MGA: variants seen among roughly 807,000 people sequenced by gnomAD.
MGA encodes the protein MAX dimerization protein MGA, also known as MAX gene-associated protein.
A neutral mutation model predicts 261.1 loss-of-function variants in MGA; 40 were observed. The ratio of observed to expected loss-of-function variants is 0.15; its 90% CI spans 0.12 to 0.20. The LOEUF is 0.20. MGA is among the 10% of genes least tolerant of loss of function. The pLI is 1.00. For missense variants in MGA, 3,397 were observed against 3,630.5 expected (o/e 0.94, Z 1.65); for synonymous variants, 1,302 against 1,290.6 (o/e 1.01, Z -0.19).
In MGA at chr15:41,750,485, G is replaced by A; in HGVS notation, c.6878G>A (p.Ser2293Asn). 1.2e-6 allele frequency: 2 copies of A among 1,613,984 alleles called. No homozygotes were observed. The highest frequency in any genetic ancestry group is 1.1e-5 in the South Asian group (1 of 91,082). The change falls in exon 17 of 24, where the codon AGT becomes AAT. Residue 2293 changes from serine (S) to asparagine (N), a missense_variant. Transcript: ENST00000219905. ...CAAGAGAAGAAGGGTGGGAGAAGCA[G>A]TGCTGACTTCACTGTTTTGGATTTG...
At chr15:41,661,626 C>CCCAT (rs2057407435) in intron 1 of MGA, among the ~76,000 whole-genome samples, 10 of 152,156 alleles carry the variant, frequency 6.6e-5, no homozygotes, top group Admixed American at 6.5e-4. Flanking sequence ...TCCCAAGGTT[C>CCCAT]GCCTCGCCGG....
intron 13 of MGA, among the ~76,000 whole-genome samples, chr15:41,737,309 T>TG (rs1567055627): frequency 6.8e-6 from 1 of 146,320 alleles, no homozygotes; most frequent in African/African-American, 2.7e-5. Context: ...TTTGTGTGTG[T>TG]TTTTTTTTGT....
upstream of MGA, among the ~76,000 whole-genome samples, chr15:41,658,042 AGT>A (rs2057243402): frequency 6.6e-6 from 1 of 152,228 alleles, no homozygotes; most frequent in Admixed American, 6.5e-5. Context: ...GAATAGGAAA[AGT>A]GTGCATGTAA....
At chr15:41,736,136 AAAT>A (rs1294520929) in intron 12 of MGA, 42 bp from the exon 13 acceptor site, 1 of 1,410,586 alleles carries the variant, frequency 7.1e-7, no homozygotes, top group African/African-American at 1.5e-5. Flanking sequence ...TGTGATGCAG[AAAT>A]AATCTTTCAA....
At chr15:41,638,111 C>T (rs1183489018) in intron 1 of MGA, among the ~76,000 whole-genome samples, 4 of 116,168 alleles carry the variant, frequency 3.4e-5, no homozygotes, top group Non-Finnish European at 5.1e-5. Flanking sequence ...GGTGAGATCT[C>T]GGCTCATTGC....
chr15:41,697,510 G>A (rs2059605191), intron 3 of MGA, among the ~76,000 whole-genome samples: 3 of 149,168 alleles, frequency 2.0e-5, no homozygotes, highest in African/African-American at 7.4e-5. Flanking sequence ...TCCGTCTCCC[G>A]AGTTCAAGCC....
rs184565732 is a variant in MGA, at chr15:41,626,971, C to T, written c.-68+5673C>T. On this transcript the variant is annotated intron_variant, in intron 1 of 8. Transcript: ENST00000566718. Reference sequence around the variant, plus strand: ...CCTCTGCCTCCTGGGTTCAAGTGATCCTCCCACTTCAGCCTCCTGAGTAGC... The same window carrying T: ...CCTCTGCCTCCTGGGTTCAAGTGATTCTCCCACTTCAGCCTCCTGAGTAGC... Among the ~76,000 whole-genome samples, 1,111 of 152,086 alleles carry T rather than the reference C, an allele frequency of 7.3e-3. 9 individuals are homozygous for T. The highest frequency in any genetic ancestry group is 0.011 in the Non-Finnish European group (762 of 67,968).
chr15:41,707,836 C>T lies in MGA; in HGVS notation c.2297C>T (p.Thr766Ile). The T allele has an allele frequency of 6.2e-7, 1 of 1,613,782 alleles. No homozygotes were observed. The highest frequency in any genetic ancestry group is 8.5e-7 in the Non-Finnish European group (1 of 1,179,814). Residue 766 changes from threonine (T) to isoleucine (I), a missense_variant, in exon 6 of 24, where the codon ACA becomes ATA. By Grantham distance (89) the Thr-to-Ile change is moderately conservative. Transcript: ENST00000219905. The stretch of plus-strand genomic sequence containing the variant: ...ACTAGCTTTCCTTTTTGGAACCTTA[C>T]AGGAACCAACCCTGCCTCTCCTGGT...
intron 1 of MGA, among the ~76,000 whole-genome samples, chr15:41,653,065 CCT>C (rs1326441240): frequency 6.6e-6 from 1 of 152,066 alleles, no homozygotes; most frequent in Non-Finnish European, 1.5e-5. Context: ...ACAGCTTTTA[CCT>C]CTTTTTAAAA....
chr15:41,762,461 G>GTTTTTTTTTTTTTTT lies in MGA; in HGVS notation c.7744+115_7744+129dup, dbSNP rs34069193. On this transcript the variant is annotated intron_variant, in intron 22 of 23. Coordinates refer to ENST00000219905, the MANE Select transcript of MGA (RefSeq NM_001164273.2). ...TTGTCCACATTTTTAGTTTTGTGTGGTTTTTTTTTTTTTTTTTTTTTTTTT... is the reference window on the plus strand; with the variant it reads ...TTGTCCACATTTTTAGTTTTGTGTGGTTTTTTTTTTTTTTTTTTTTTTTTTTTTTTTTTTTTTTTT... 3.0e-4 allele frequency: 41 copies of GTTTTTTTTTTTTTTT among 138,442 alleles called. 6 individuals are homozygous for GTTTTTTTTTTTTTTT. Among genetic ancestry groups the GTTTTTTTTTTTTTTT allele is most frequent in the East Asian group, 1.1e-3 (3 of 2,746 alleles). The allele number at this position is 138,442 out of a possible 1,614,324, so 8.6% of individuals were successfully genotyped here.
intron 5 of MGA, among the ~76,000 whole-genome samples, chr15:41,703,380 A>T (rs1044907253): frequency 1.2e-4 from 6 of 49,636 alleles, no homozygotes; most frequent in African/African-American, 3.3e-4. Context: ...CCCCCCCCCC[A>T]CTCCCCACCC....
intron 2 of MGA, among the ~76,000 whole-genome samples, chr15:41,695,567 A>G (rs2059514495): frequency 6.6e-6 from 1 of 152,158 alleles, no homozygotes; most frequent in African/African-American, 2.4e-5. Context: ...GGAGGGGGAA[A>G]CTAGATGTTT....
intron 13 of MGA, among the ~76,000 whole-genome samples, chr15:41,737,491 A>G (rs934938930): frequency 9.2e-5 from 14 of 152,122 alleles, no homozygotes; most frequent in African/African-American, 3.4e-4. Context: ...TTTAAATACA[A>G]GAGTAAAAAT....
rs1211685616 is a variant in MGA, at chr15:41,767,138, C to T, written c.9056C>T (p.Ala3019Val). 6.2e-7 allele frequency: 1 copy of T among 1,613,944 alleles called. No individual in the cohort carries two copies. Among genetic ancestry groups the T allele is most frequent in the South Asian group, 1.1e-5 (1 of 91,082 alleles). The change falls in exon 24 of 24, where the codon GCC becomes GTC. Residue 3019 changes from alanine (A) to valine (V), a missense_variant. By Grantham distance (64) the Ala-to-Val change is moderately conservative. Around this residue, in one of 9 missense-constraint regions of MGA, gnomAD observed 647 missense variants for 642.4 expected, o/e 1.01. Transcript: ENST00000219905. ...ATGCCTTGTTTGGCACCTATAGCTG[C>T]CAAAGTTGGGTCAGTTGGACACAAA...
intron 17 of MGA, among the ~76,000 whole-genome samples, chr15:41,752,941 T>G (rs1269588477): frequency 6.6e-6 from 1 of 152,242 alleles, no homozygotes. Flanking sequence ...TACTGACTTT[T>G]TTTTTAAAGG....
rs1040889576 is a variant in MGA at position 41,635,406 on chromosome 15, A to AAC, written c.-68+14122_-68+14123dup. Reference sequence around the variant, plus strand: ...AGACACTAGACAAACACCAAACACAAACACACACACACACAAAATAAGGCT... The same window carrying AAC: ...AGACACTAGACAAACACCAAACACAAACACACACACACACACAAAATAAGGCT... On this transcript the variant is annotated intron_variant, in intron 1 of 8. Coordinates refer to the MGA transcript ENST00000566718. Among the ~76,000 whole-genome samples the AAC allele has an allele frequency of 3.3e-3, 261 of 79,556 alleles. 1 individual carries two copies. The highest frequency in any genetic ancestry group is 7.2e-3 in the African/African-American group (238 of 33,138). 52.2% of individuals were successfully genotyped at this position (79,556 alleles called of 152,430 possible).
At position 41,762,461 on chromosome 15, in the gene MGA, GTTTTTTTTTT is replaced by G. The variant is rs34069193; in HGVS notation, c.7744+120_7744+129del. 6.4e-3 allele frequency: 884 copies of G among 138,428 alleles called. 4 individuals carry two copies. The highest frequency in any genetic ancestry group is 0.031 in the African/African-American group (486 of 15,446). The allele number at this position is 138,428 out of a possible 1,614,324, so 8.6% of individuals were successfully genotyped here. ...TTGTCCACATTTTTAGTTTTGTGTGGTTTTTTTTTTTTTTTTTTTTTTTTTTTTTTGGAGA... is the reference window on the plus strand; with the variant it reads ...TTGTCCACATTTTTAGTTTTGTGTGGTTTTTTTTTTTTTTTTTTTTGGAGA... On this transcript the variant is annotated intron_variant, in intron 22 of 23. Coordinates refer to ENST00000219905, the MANE Select transcript of MGA (RefSeq NM_001164273.2).
chr15:41,678,671 G>A (rs559772462), intron 2 of MGA, among the ~76,000 whole-genome samples: 38 of 151,692 alleles, frequency 2.5e-4, no homozygotes, highest in African/African-American at 8.9e-4. Context: ...GGAGGCTGAG[G>A]CAGGAGAATC....
chr15:41,669,678 G>A lies in MGA; in HGVS notation c.784G>A (p.Gly262Arg), dbSNP rs1407731790. ...ATTTGCCAAAGGCTTTCGGGATGATGGGCTGAATAATAAGCCCCAGAGAGA... is the reference window on the plus strand; with the variant it reads ...ATTTGCCAAAGGCTTTCGGGATGATAGGCTGAATAATAAGCCCCAGAGAGA... The change falls in exon 2 of 24, where the codon GGG becomes AGG. Residue 262 changes from glycine (G) to arginine (R), a missense_variant. Gly to Arg is a moderately radical substitution (Grantham distance 125, BLOSUM62 -2). Around this residue, in one of 9 missense-constraint regions of MGA, gnomAD observed 563 missense variants for 563.6 expected, o/e 1.00. Coordinates refer to ENST00000219905, the MANE Select transcript of MGA (RefSeq NM_001164273.2). 2 of 1,613,494 alleles carry A rather than the reference G, an allele frequency of 1.2e-6. No homozygotes were observed. Among genetic ancestry groups the A allele is most frequent in the African/African-American group, 2.7e-5 (2 of 74,912 alleles).
Sources: gnomAD v4.1 joint callset for allele counts (sites outside exome capture counted in the v4.1 genomes callset) on GRCh38, gnomAD v4.1.1 for gene constraint, gnomAD v4.1.1 regional missense constraint, MANE v1.5 for transcripts, NCBI Gene and HGNC (gene_info 2026-07-23, HGNC 2026-07-21) for gene names.